Variants in NLRC5 observed in about 807,000 individuals in gnomAD.
The protein encoded by NLRC5 is protein NLRC5.
NLRC5 carries 114 observed loss-of-function variants against 206.9 expected under a neutral mutation model. The ratio of observed to expected loss-of-function variants is 0.55; its 90% CI spans 0.47 to 0.64. NLRC5 has a LOEUF of 0.64. Ranked by LOEUF, NLRC5 falls within the 30% of genes least tolerant of loss-of-function variation. The probability of loss-of-function intolerance (pLI) is 0.00; values close to 1 mark genes in which losing one functional copy is unlikely to be tolerated. For synonymous variants in NLRC5, 952 were observed against 962.8 expected, an observed-to-expected ratio of 0.99 and a Z score of 0.21; for missense variants, 2,008 against 2,305.5, an observed-to-expected ratio of 0.87 and a Z score of 2.64.
chr16:57,012,781 C>T (rs2059640175), intron 1 of NLRC5, among the ~76,000 whole-genome samples: 1 of 152,226 alleles, frequency 6.6e-6, no homozygotes, highest in Non-Finnish European at 1.5e-5. Context: ...ACTGCCAAAA[C>T]TGCCAAACTG....
At chr16:57,030,963 G>A (rs1051962996) in intron 10 of NLRC5, among the ~76,000 whole-genome samples, 17 of 152,172 alleles carry the variant, frequency 1.1e-4, no homozygotes, top group Admixed American at 5.9e-4. Context: ...AATGGGGCAT[G>A]GTGGTGCATG....
In NLRC5 at chr16:57,077,776, T is replaced by C. The variant is rs1441248524; in HGVS notation, c.4977T>C (p.Val1659=). ...AGGVQLAESL[V]LCRRLEELML... is the part of the protein sequence containing the mutation. ...GAGTGCAGTTGGCAGAGTCTCTCGT[T>C]CTTTGCAGGCGCCTGGAGGAGTTGA... Residue 1659 remains valine (V), a synonymous_variant, in exon 42 of 49, where the codon GTT becomes GTC. Transcript: ENST00000688547. 1 of 1,605,168 alleles carries C rather than the reference T, an allele frequency of 6.2e-7. No homozygotes were observed. The highest frequency in any genetic ancestry group is 1.3e-5 in the African/African-American group (1 of 74,736).
At position 57,020,903 on chromosome 16, in the gene NLRC5, A is replaced by G. The variant is rs2060601277; in HGVS notation, c.191A>G (p.Gln64Arg). The G allele has an allele frequency of 1.9e-6, 3 of 1,613,966 alleles. No individual in the cohort carries two copies. The South Asian group carries it at 3.3e-5, about 18-fold the overall frequency. The change falls in exon 3 of 49, where the codon CAG (glutamine) becomes CGG (arginine). Residue 64 changes from glutamine to arginine, a missense_variant. Physicochemically the swap from Gln to Arg is conservative, Grantham distance 43. Transcript: ENST00000688547. ...VILQLNKLHV[Q>R]GSDTWQSFIH... ...CTGCAACTCAACAAGCTGCATGTCC[A>G]GGGTTCGGACACCTGGCAGTCTTTC...
chr16:57,078,466 GTTTTTT>G (rs71383218), intron 43 of NLRC5, among the ~76,000 whole-genome samples: 2 of 92,188 alleles, frequency 2.2e-5, no homozygotes, highest in South Asian at 4.1e-4. Context: ...CTGGGACCTT[GTTTTTT>G]TTTTTTTTTT....
chr16:57,065,356 T>G (rs747825389), intron 33 of NLRC5, 58 bp downstream of exon 33: 1 of 1,267,656 alleles, frequency 7.9e-7, no homozygotes, highest in Non-Finnish European at 1.1e-6. Context: ...CATTGGGACT[T>G]TTCCTTGACC....
intron 1 of NLRC5, among the ~76,000 whole-genome samples, chr16:56,991,388 T>C (rs1485390376): frequency 1.2e-4 from 18 of 148,078 alleles, no homozygotes; most frequent in Admixed American, 6.0e-4. Context: ...CCTTTTTTTT[T>C]TTTTTTTTTT....
intron 10 of NLRC5, among the ~76,000 whole-genome samples, chr16:57,030,614 AGATGGAT>A (rs2061760658): frequency 1.4e-5 from 2 of 141,138 alleles, no homozygotes; most frequent in African/African-American, 5.3e-5. Context: ...GTGTGTGAAA[AGATGGAT>A]GGATGGATGG....
intron 38 of NLRC5, among the ~76,000 whole-genome samples, chr16:57,070,960 GAAGGAGA>G (rs2067620862): frequency 7.1e-6 from 1 of 140,312 alleles, no homozygotes; most frequent in African/African-American, 2.7e-5. Flanking sequence ...GGTTAATGGG[GAAGGAGA>G]TGAGTGAGTG....
chr16:57,077,411 A>G, intron 41 of NLRC5, 32 bp downstream of exon 41: 1 of 1,578,276 alleles, frequency 6.3e-7, no homozygotes, highest in Non-Finnish European at 8.7e-7. Flanking sequence ...GGAGGGCCAC[A>G]GGGGTCACAC....
intron 24 of NLRC5, chr16:57,052,475 G>GA (rs202244253): frequency 5.5e-4 from 74 of 135,506 alleles, no homozygotes; most frequent in African/African-American, 6.0e-4. Context: ...CTCCATCTCA[G>GA]AAAAAAAAAA....
rs142040308 is a variant in NLRC5, at chr16:57,041,342, G to A, written c.2940-143G>A. ...CGTGTGTGTTGGTCCCTCTTTGTCC[G>A]TCTGTCTAGGTGCCAGATACATCCC... On this transcript the variant is annotated intron_variant, in intron 17 of 48. Coordinates refer to ENST00000688547, the MANE Select transcript of NLRC5 (RefSeq NM_001384950.1). 345 of 634,160 alleles carry A rather than the reference G, an allele frequency of 5.4e-4. 1 individual carries two copies. Among genetic ancestry groups the A allele is most frequent in the African/African-American group, 5.0e-3 (272 of 54,420 alleles). 39.3% of individuals were successfully genotyped at this position (634,160 alleles called of 1,614,324 possible).
At chr16:57,081,657 C>G in intron 48 of NLRC5, 47 bp downstream of exon 48, 1 of 1,524,470 alleles carries the variant, frequency 6.6e-7, no homozygotes, top group Non-Finnish European at 9.1e-7. Flanking sequence ...GAGGCTACAC[C>G]AACCCCCAGA....
chr16:57,047,295 C>T (rs1170971165), intron 22 of NLRC5, among the ~76,000 whole-genome samples: 2 of 151,752 alleles, frequency 1.3e-5, no homozygotes, highest in East Asian at 1.9e-4. Flanking sequence ...CTGGAGGGGG[C>T]GGTGGGGAGG....
chr16:57,040,909 C>T (rs1370794670), intron 17 of NLRC5, among the ~76,000 whole-genome samples, 191 bp downstream of exon 17: 6 of 152,036 alleles, frequency 3.9e-5, no homozygotes, highest in African/African-American at 1.4e-4. Flanking sequence ...ACAGGGCTCA[C>T]AAGGCAGCCC....
chr16:57,079,367 C>T, intron 45 of NLRC5, 75 bp downstream of exon 45: 1 of 1,523,766 alleles, frequency 6.6e-7, no homozygotes, highest in Non-Finnish European at 9.1e-7. Flanking sequence ...GAGCCTAACA[C>T]CTGGGGAGGC....
chr16:57,064,787 G>A (rs1429579167), intron 32 of NLRC5, among the ~76,000 whole-genome samples: 1 of 152,084 alleles, frequency 6.6e-6, no homozygotes. Flanking sequence ...AGCCAGGCGT[G>A]GTGGCGCATG....
chr16:57,078,114 C>T lies in NLRC5; in HGVS notation c.5081+94C>T, dbSNP rs568399986. 236 of 1,050,228 alleles carry T rather than the reference C, an allele frequency of 2.2e-4. 1 individual carries two copies. In the East Asian group the frequency reaches 5.2e-3, roughly 23 times the overall value. 65.1% of individuals were successfully genotyped at this position (1,050,228 alleles called of 1,614,324 possible). On this transcript the variant is annotated intron_variant, in intron 43 of 48. Transcript: ENST00000688547. ...TCCAGGCCCCCATCAGTTGAGCTGC[C>T]CTGCCCCAAGTCAAGCTTGGCATAT...
intron 1 of NLRC5, chr16:57,013,829 G>A: frequency 5.8e-6 from 4 of 694,190 alleles, no homozygotes; most frequent in South Asian, 4.6e-5. Flanking sequence ...TCCAGCATAA[G>A]TTATTTCATC....
At chr16:57,055,602 G>A (rs1037246266) in intron 27 of NLRC5, 83 bp downstream of exon 27, 7 of 1,094,930 alleles carry the variant, frequency 6.4e-6, no homozygotes, top group Non-Finnish European at 9.7e-6. Context: ...GTCCGTGTGT[G>A]CACATACACT....
Sources: allele counts gnomAD v4.1 joint callset (sites outside exome capture counted in the v4.1 genomes callset), GRCh38; gene constraint gnomAD v4.1.1; transcripts MANE v1.5; gene names NCBI Gene and HGNC (gene_info 2026-07-23, HGNC 2026-07-21).